Variants in DPM1 observed in about 807,000 individuals in gnomAD.
DPM1 encodes dolichyl-phosphate mannosyltransferase subunit 1, catalytic.
Under a neutral mutation model 39.0 loss-of-function variants are expected in DPM1, and 27 were observed. That is an observed-to-expected ratio of 0.69 (90% confidence interval 0.51 to 0.95). The LOEUF is 0.95. Among genes scored for constraint, DPM1 ranks in the 40% least tolerant of loss-of-function variants. The pLI, the probability that DPM1 is intolerant of heterozygous loss-of-function variation, is 0.00. For missense variants in DPM1, 307 were observed against 315.6 expected (o/e 0.97, Z 0.21); for synonymous variants, 124 against 109.0 (o/e 1.14, Z -0.86).
At position 50,942,085 on chromosome 20, in the gene DPM1, C is replaced by T. The variant is rs11553483; in HGVS notation, c.440G>A (p.Arg147His). The change falls in exon 6 of 9, where the codon CGC becomes CAC. Residue 147 changes from arginine (R) to histidine (H), a missense_variant. Transcript: ENST00000371588. ...ATATACACCTCCATTTCCTTTGTAG[C>T]GAGTTCCAGAGACAATATCAAAATT... ...EGNFDIVSGT[R>H]YKGNGGVYGW... 8.7e-6 allele frequency: 14 copies of T among 1,614,110 alleles called. No homozygotes were observed. Among genetic ancestry groups the T allele is most frequent in the African/African-American group, 5.3e-5 (4 of 75,058 alleles).
chr20:50,946,669 C>T (rs1368455354), intron 3 of DPM1, among the ~76,000 whole-genome samples: 1 of 152,198 alleles, frequency 6.6e-6, no homozygotes, highest in African/African-American at 2.4e-5. Context: ...ACTTGGCAGG[C>T]TAGGGTAACT....
intron 1 of DPM1, among the ~76,000 whole-genome samples, chr20:50,957,988 G>T (rs1254690479): frequency 6.6e-6 from 1 of 152,224 alleles, no homozygotes; most frequent in Admixed American, 6.5e-5. Context: ...CGGAGAGTGA[G>T]AGCTCTCGCT....
intron 1 of DPM1, among the ~76,000 whole-genome samples, chr20:50,957,691 G>A (rs909393612): frequency 2.6e-5 from 4 of 152,178 alleles, no homozygotes; most frequent in African/African-American, 7.2e-5. Context: ...ATGAGAAAAA[G>A]TCTTCAAAGA....
chr20:50,943,771 G>C (rs1371888719), intron 5 of DPM1, among the ~76,000 whole-genome samples: 4 of 138,444 alleles, frequency 2.9e-5, no homozygotes, highest in Non-Finnish European at 4.6e-5. Flanking sequence ...ATGGAGTCTC[G>C]CTCTGTCGCC....
chr20:50,952,829 T>C (rs1986649468), intron 2 of DPM1, among the ~76,000 whole-genome samples: 1 of 152,222 alleles, frequency 6.6e-6, no homozygotes, highest in African/African-American at 2.4e-5. Flanking sequence ...TACTAAACTA[T>C]AAAATAATGA....
chr20:50,940,089 TGTGTG>T (rs1985591333), intron 7 of DPM1, among the ~76,000 whole-genome samples: 1 of 38,700 alleles, frequency 2.6e-5, no homozygotes, highest in Non-Finnish European at 5.0e-5. Context: ...TCCTAATTTG[TGTGTG>T]TGTGTGTGTG....
intron 7 of DPM1, among the ~76,000 whole-genome samples, chr20:50,940,086 TTGTGTG>T (rs11469059): frequency 0.22 from 31,492 of 146,474 alleles, 3,552 homozygotes; most frequent in Non-Finnish European, 0.26. Context: ...AGGTCCTAAT[TTGTGTG>T]TGTGTGTGTG....
chr20:50,953,598 G>A (rs1183762570), intron 2 of DPM1, among the ~76,000 whole-genome samples: 5 of 152,096 alleles, frequency 3.3e-5, no homozygotes, highest in Non-Finnish European at 7.4e-5. Flanking sequence ...GAGGGAAATC[G>A]TAACAGTGAA....
At chr20:50,947,985 A>G (rs959645712) in intron 3 of DPM1, among the ~76,000 whole-genome samples, 1 of 152,186 alleles carries the variant, frequency 6.6e-6, no homozygotes, top group Non-Finnish European at 1.5e-5. Flanking sequence ...GGTTTGCAGC[A>G]TGCTGGTCCA....
rs751084230 is a variant in DPM1, at chr20:50,936,208, G to C, written c.618C>G (p.Gly206=). The change falls in exon 8 of 9, where the codon GGC becomes GGG. Residue 206 remains glycine, a synonymous_variant. Coordinates refer to ENST00000371588, the MANE Select transcript of DPM1 (RefSeq NM_003859.3). Reference sequence around the variant, plus strand: ...CAATCATCTCCATCTGGAAGACGTAGCCTTTAGAAACACATTTTTCTATTA... The same window carrying C: ...CAATCATCTCCATCTGGAAGACGTACCCTTTAGAAACACATTTTTCTATTA... ...EKLIEKCVSK[G]YVFQMEMIVR... is the part of the protein sequence containing the mutation. 1 of 1,613,622 alleles carries C rather than the reference G, an allele frequency of 6.2e-7. No individual in the cohort carries two copies. The highest frequency in any genetic ancestry group is 2.2e-5 in the East Asian group (1 of 44,828).
chr20:50,946,125 C>A (rs1986269124), intron 3 of DPM1, among the ~76,000 whole-genome samples: 1 of 152,148 alleles, frequency 6.6e-6, no homozygotes. Flanking sequence ...CCACACACCC[C>A]CATTCAGATG....
At position 50,955,245 on chromosome 20, in the gene DPM1, G is replaced by C. The variant is rs1986767219; in HGVS notation, c.202C>G (p.Pro68Ala). 6.2e-7 allele frequency: 1 copy of C among 1,612,806 alleles called. No homozygotes were observed. Among genetic ancestry groups the C allele is most frequent in the Admixed American group, 1.7e-5 (1 of 59,958 alleles). The change falls in exon 2 of 9, where the codon CCA (proline) becomes GCA (alanine). Residue 68 changes from proline to alanine, a missense_variant. Physicochemically the swap from Pro to Ala is conservative, Grantham distance 27. Transcript: ENST00000371588. ...YEIIIIDDGS[P>A]DGTRDVAEQL... ...TCAGCAACATCCCTTGTTCCATCTG[G>C]GCTTCCATCATCTATGATTATAATT...
At chr20:50,940,240 G>A (rs1985607960) in intron 7 of DPM1, among the ~76,000 whole-genome samples, 1 of 151,920 alleles carries the variant, frequency 6.6e-6, no homozygotes, top group African/African-American at 2.4e-5. Flanking sequence ...AATGTTTGGG[G>A]GGCTTGGGGG....
chr20:50,942,179 C>T (rs1373529726), intron 5 of DPM1, 53 bp from the exon 6 acceptor site: 2 of 1,479,184 alleles, frequency 1.4e-6, no homozygotes, highest in East Asian at 2.3e-5. Context: ...TTTCAACAGT[C>T]ATTTTCATGA....
intron 2 of DPM1, among the ~76,000 whole-genome samples, chr20:50,950,018 GTTGTT>G (rs1986495409): frequency 6.6e-6 from 1 of 152,068 alleles, no homozygotes. Context: ...ATTGCTTCTA[GTTGTT>G]TTGTAGATCT....
chr20:50,955,486 T>C (rs1357111709), intron 1 of DPM1, among the ~76,000 whole-genome samples: 3 of 152,254 alleles, frequency 2.0e-5, no homozygotes, highest in Non-Finnish European at 2.9e-5. Context: ...TGAAACATGC[T>C]AATGTCCTGA....
At chr20:50,936,100 T>A (rs1227841237) in intron 8 of DPM1, 48 bp downstream of exon 8, 1 of 1,358,650 alleles carries the variant, frequency 7.4e-7, no homozygotes, top group Non-Finnish European at 1.1e-6. Context: ...TAAACCTTAC[T>A]GCTCCTTTAC....
intron 7 of DPM1, 121 bp downstream of exon 7, chr20:50,940,744 C>T: frequency 1.2e-6 from 1 of 838,906 alleles, no homozygotes; most frequent in Non-Finnish European, 2.0e-6. Context: ...GAATTTTAGT[C>T]TGCCTTTTTA....
rs559172016 is a variant in DPM1, at chr20:50,942,650, C to T, written c.399-524G>A. 3.9e-5 allele frequency among the ~76,000 whole-genome samples: 6 copies of T among 152,268 alleles called. 1 individual carries two copies. In the South Asian group the frequency reaches 1.2e-3, roughly 32 times the overall value. On this transcript the variant is annotated intron_variant, in intron 5 of 8. Transcript: ENST00000371588. Reference sequence around the variant, plus strand: ...TGCCACTGTACTCCAGCCTGGGTGACAATGGAAGACCTTGTCTCTCAAATT... The same window carrying T: ...TGCCACTGTACTCCAGCCTGGGTGATAATGGAAGACCTTGTCTCTCAAATT...
Sources: gnomAD v4.1 joint callset for allele counts (sites outside exome capture counted in the v4.1 genomes callset) on GRCh38, gnomAD v4.1.1 for gene constraint, MANE v1.5 for transcripts, NCBI Gene and HGNC (gene_info 2026-07-23, HGNC 2026-07-21) for gene names.